The following RORA variants were observed in gnomAD, a reference collection of about 807,000 sequenced individuals.
RORA encodes the protein RAR related orphan receptor A, also known as nuclear receptor ROR-alpha.
Under a neutral mutation model 69.5 loss-of-function variants are expected in RORA, and 7 were observed. The observed-to-expected ratio is 0.10, with a 90% CI of 0.06 to 0.19. The LOEUF is 0.19. Ranked by LOEUF, RORA falls within the 10% of genes least tolerant of loss-of-function variation. The probability of loss-of-function intolerance (pLI) is 1.00; values close to 1 mark genes in which losing one functional copy is unlikely to be tolerated. For synonymous variants in RORA, 261 were observed against 240.8 expected (o/e 1.08, Z -0.78); for missense variants, 457 against 663.0 (o/e 0.69, Z 3.41).
chr15:60,832,642 T>C (rs1322095659), intron 1 of RORA, among the ~76,000 whole-genome samples: 1 of 152,080 alleles, frequency 6.6e-6, no homozygotes, highest in Non-Finnish European at 1.5e-5. Flanking sequence ...TCTAATTGCA[T>C]AGTTTACCTT....
At chr15:60,826,763 CT>C (rs2072965961) in intron 1 of RORA, among the ~76,000 whole-genome samples, 68 of 98,608 alleles carry the variant, frequency 6.9e-4, no homozygotes, top group South Asian at 2.5e-3. Context: ...CTCTCTCTCT[CT>C]CCCTCTCTCT....
chr15:60,534,611 G>A lies in RORA; in HGVS notation c.197-2760C>T, dbSNP rs2066623590. Among the ~76,000 whole-genome samples the A allele has an allele frequency of 6.6e-6, 1 of 152,074 alleles. No individual in the cohort carries two copies. The highest frequency in any genetic ancestry group is 1.5e-5 in the Non-Finnish European group (1 of 68,008). ...AATCTCTCGGTAAGGTGGTAGAAGG[G>A]TTTCTGGATAGCAAGTTGAGGTATT... On this transcript the variant is annotated intron_variant, in intron 2 of 10. Coordinates refer to ENST00000335670, the MANE Select transcript of RORA (RefSeq NM_134261.3). This position sits in a 1 kb window ranked among gnomAD's most constrained non-coding sequence, Gnocchi z 5.0.
chr15:61,142,978 T>C (rs1051965625), intron 1 of RORA, among the ~76,000 whole-genome samples: 10 of 152,146 alleles, frequency 6.6e-5, no homozygotes, highest in African/African-American at 2.4e-4. Flanking sequence ...TACCCTATAA[T>C]TTTACACTTT....
intron 1 of RORA, among the ~76,000 whole-genome samples, chr15:60,785,608 T>C (rs536635458): frequency 6.6e-6 from 1 of 152,226 alleles, no homozygotes. Flanking sequence ...TCCAGCTAGC[T>C]ACATCTCACA....
At chr15:60,694,795 C>T (rs898693754) in intron 1 of RORA, among the ~76,000 whole-genome samples, 5 of 152,216 alleles carry the variant, frequency 3.3e-5, no homozygotes, top group Admixed American at 2.6e-4. Flanking sequence ...AACCCATATG[C>T]AGCGAGGTCA....
chr15:60,725,551 C>T (rs983898273), intron 1 of RORA, among the ~76,000 whole-genome samples: 7 of 152,298 alleles, frequency 4.6e-5, no homozygotes, highest in South Asian at 2.1e-4. Context: ...CCCTCAAGCA[C>T]GTATCCTTTG....
At chr15:60,903,508 C>T (rs1891447700) in intron 1 of RORA, among the ~76,000 whole-genome samples, 1 of 152,200 alleles carries the variant, frequency 6.6e-6, no homozygotes, top group Non-Finnish European at 1.5e-5. Flanking sequence ...TGCATCAGGC[C>T]TCCTCAGTCT....
At chr15:60,944,694 CAAAAA>C (rs58523588) in intron 1 of RORA, among the ~76,000 whole-genome samples, 1 of 96,432 alleles carries the variant, frequency 1.0e-5, no homozygotes. Context: ...CACTGTACTC[CAAAAA>C]AAAAAAAAAA....
intron 2 of RORA, among the ~76,000 whole-genome samples, chr15:60,615,255 T>G (rs900971763): frequency 2.6e-5 from 4 of 152,174 alleles, no homozygotes; most frequent in Non-Finnish European, 5.9e-5. Flanking sequence ...GGGATATAGA[T>G]AAAGGGGCAC....
intron 1 of RORA, among the ~76,000 whole-genome samples, chr15:61,123,270 G>A (rs2079118262): frequency 6.6e-6 from 1 of 152,100 alleles, no homozygotes; most frequent in African/African-American, 2.4e-5. Context: ...ACCAGAGGCT[G>A]AGTTAACTGC....
intron 1 of RORA, among the ~76,000 whole-genome samples, chr15:60,999,443 T>C (rs993503000): frequency 5.3e-5 from 8 of 152,216 alleles, no homozygotes; most frequent in Non-Finnish European, 1.2e-4. Flanking sequence ...CTTATATTCA[T>C]GGATGTTAGC....
intron 1 of RORA, among the ~76,000 whole-genome samples, chr15:60,888,190 G>A (rs1444247058): frequency 6.6e-6 from 1 of 152,180 alleles, no homozygotes; most frequent in Non-Finnish European, 1.5e-5. Flanking sequence ...AGGGCTTTCT[G>A]TTGTTGTTGT....
At chr15:60,919,533 T>C (rs1891979934) in intron 1 of RORA, among the ~76,000 whole-genome samples, 1 of 152,214 alleles carries the variant, frequency 6.6e-6, no homozygotes, top group African/African-American at 2.4e-5. Context: ...CTGCATCCAT[T>C]ATAGAGGCTA....
Position 60,531,950 on chromosome 15 carries a change from G to T in RORA, c.197-99C>A. 1 of 671,716 alleles carries T rather than the reference G, an allele frequency of 1.5e-6. No homozygotes were observed. The highest frequency in any genetic ancestry group is 3.2e-5 in the Admixed American group (1 of 31,380). The allele number at this position is 671,716 out of a possible 1,614,324, so 41.6% of individuals were successfully genotyped here. ...TTTGTATAGTGAAAACTAATAACCT[G>T]CTAAACATTATACTGCATTAACTAT... On this transcript the variant is annotated intron_variant, in intron 2 of 10. Transcript: ENST00000335670. This position sits in a 1 kb window ranked among gnomAD's most constrained non-coding sequence, Gnocchi z 4.8.
At chr15:60,682,949 C>A (rs991117601) in intron 1 of RORA, among the ~76,000 whole-genome samples, 1 of 152,182 alleles carries the variant, frequency 6.6e-6, no homozygotes, top group African/African-American at 2.4e-5. Flanking sequence ...CGGTGGATGA[C>A]TTGGGCAAAT....
At position 60,902,875 on chromosome 15, in the gene RORA, G is replaced by T. The variant is rs186727582; in HGVS notation, c.167-224189C>A. 5.9e-5 allele frequency among the ~76,000 whole-genome samples: 9 copies of T among 152,326 alleles called. No individual in the cohort carries two copies. The East Asian group carries it at 1.7e-3, about 29-fold the overall frequency. ...CCTCTTCTACAGCTGCCCACGGAAT[G>T]CTCTGAATCTAGGGGCGTACTCCGC... On this transcript the variant is annotated intron_variant, in intron 1 of 10. Transcript: ENST00000335670.
rs552281691 is a variant in RORA at position 61,054,953 on chromosome 15, C to T, written c.166+174100G>A. Among the ~76,000 whole-genome samples the T allele has an allele frequency of 1.2e-4, 18 of 152,102 alleles. No homozygotes were observed. In the South Asian group the frequency reaches 3.3e-3, roughly 28 times the overall value. On this transcript the variant is annotated intron_variant, in intron 1 of 10. Coordinates refer to ENST00000335670, the MANE Select transcript of RORA (RefSeq NM_134261.3). Reference sequence around the variant, plus strand: ...CTGAGCTCAATCAATCCTCCCACCTCAGCTTCCTGAATAGCTGGGACTACA... The same window carrying T: ...CTGAGCTCAATCAATCCTCCCACCTTAGCTTCCTGAATAGCTGGGACTACA...
intron 1 of RORA, among the ~76,000 whole-genome samples, chr15:61,022,794 T>C (rs567160968): frequency 6.6e-6 from 1 of 152,084 alleles, no homozygotes; most frequent in South Asian, 2.1e-4. Flanking sequence ...TAGAAGAAAA[T>C]GGTAGGTTGA....
intron 1 of RORA, among the ~76,000 whole-genome samples, chr15:61,049,422 G>A (rs1476789761): frequency 6.6e-6 from 1 of 152,114 alleles, no homozygotes; most frequent in African/African-American, 2.4e-5. Flanking sequence ...GATCATACAA[G>A]TCCATGTCCT....
Sources: allele counts gnomAD v4.1 joint callset (sites outside exome capture counted in the v4.1 genomes callset), GRCh38; gene constraint gnomAD v4.1.1; non-coding constraint Gnocchi (gnomAD v3.1); transcripts MANE v1.5; gene names NCBI Gene and HGNC (gene_info 2026-07-23, HGNC 2026-07-21).